GALNT9: variants seen among roughly 807,000 people sequenced by gnomAD.
GALNT9 encodes GalNAc transferase 9.
In GALNT9, 47 loss-of-function variants were observed where a neutral mutation model predicts 63.1. The observed-to-expected ratio is 0.75, with a 90% CI of 0.59 to 0.95. The LOEUF is 0.95. GALNT9 is among the 40% of genes least tolerant of loss of function. The pLI is 0.00. For missense variants in GALNT9, 829 were observed against 874.8 expected, an observed-to-expected ratio of 0.95 and a Z score of 0.66; for synonymous variants, 396 against 365.7, an observed-to-expected ratio of 1.08 and a Z score of -0.94.
At position 132,238,486 on chromosome 12, in the gene GALNT9, T is replaced by C. The variant is rs1248010389; in HGVS notation, c.1077+9424A>G. Reference sequence around the variant, plus strand: ...CAAGGTCTCCTGGACATTGTGCCACTGCTGGTGCCAGAGAGACCACGGTTT... The same window carrying C: ...CAAGGTCTCCTGGACATTGTGCCACCGCTGGTGCCAGAGAGACCACGGTTT... On this transcript the variant is annotated intron_variant, in intron 6 of 10. Transcript: ENST00000328957. This position sits in a 1 kb window ranked among gnomAD's most constrained non-coding sequence, Gnocchi z 6.5. 6.6e-6 allele frequency among the ~76,000 whole-genome samples: 1 copy of C among 152,160 alleles called. No homozygotes were observed. Among genetic ancestry groups the C allele is most frequent in the Admixed American group, 6.5e-5 (1 of 15,284 alleles).
intron 1 of GALNT9, among the ~76,000 whole-genome samples, chr12:132,314,646 G>A (rs998249463): frequency 9.2e-5 from 14 of 152,246 alleles, no homozygotes; most frequent in African/African-American, 2.9e-4. Flanking sequence ...TTAGAGAGCA[G>A]AGAGTGCAGG....
At position 132,257,805 on chromosome 12, in the gene GALNT9, C is replaced by T. The variant is rs577106610; in HGVS notation, c.843G>A (p.Thr281=). The stretch of plus-strand genomic sequence containing the variant: ...CGTTCGCATACTGCTGCACCTCAAA[C>T]GTGCTGTACTTGATGTTGTCGATGG... ...LPAIDNIKYS[T]FEVQQYANAA... The change falls in exon 5 of 11, where the codon ACG becomes ACA. Residue 281 remains threonine (T), a synonymous_variant. Transcript: ENST00000328957. The T allele has an allele frequency of 8.6e-5, 133 of 1,550,418 alleles. No individual in the cohort carries two copies. The African/African-American group carries it at 9.6e-4, about 11-fold the overall frequency.
In GALNT9 at chr12:132,252,491, CGT is replaced by C. The variant is rs1555238673; in HGVS notation, c.960-4466_960-4465del. Among the ~76,000 whole-genome samples the C allele has an allele frequency of 6.6e-6, 1 of 152,160 alleles. No homozygotes were observed. Among genetic ancestry groups the C allele is most frequent in the Non-Finnish European group, 1.5e-5 (1 of 68,034 alleles). The stretch of plus-strand genomic sequence containing the variant: ...TACAGGGCTTAGCGGGTGTTCTCCC[CGT>C]GTGCAGAGACAAGAGATTGTCAGAA... On this transcript the variant is annotated intron_variant, in intron 5 of 10. Coordinates refer to ENST00000328957, the MANE Select transcript of GALNT9 (RefSeq NM_001122636.2). This position sits in a 1 kb window ranked among gnomAD's most constrained non-coding sequence, Gnocchi z 5.2.
chr12:132,262,787 A>T (rs1195006864), intron 2 of GALNT9, among the ~76,000 whole-genome samples, 162 bp from the exon 3 acceptor site: 1 of 151,812 alleles, frequency 6.6e-6, no homozygotes, highest in East Asian at 1.9e-4. Context: ...CACCTGCAGG[A>T]GACACGGTTT....
intron 7 of GALNT9, 43 bp downstream of exon 7, chr12:132,203,462 A>C (rs1876353007): frequency 1.2e-6 from 2 of 1,603,174 alleles, no homozygotes; most frequent in Non-Finnish European, 1.7e-6. Flanking sequence ...ATTGACCCCG[A>C]CCCTGGGGCA....
At chr12:132,249,312 G>A (rs981050195) in intron 5 of GALNT9, among the ~76,000 whole-genome samples, 4 of 152,260 alleles carry the variant, frequency 2.6e-5, no homozygotes, top group South Asian at 2.1e-4. Context: ...CCTCCTCTGC[G>A]TATCAACGCG....
chr12:132,201,150 A>G lies in GALNT9; in HGVS notation c.1375T>C (p.Tyr459His), dbSNP rs201873771. The G allele has an allele frequency of 4.7e-5, 76 of 1,613,478 alleles. No individual in the cohort carries two copies. The East Asian group carries it at 1.7e-3, about 35-fold the overall frequency. The stretch of plus-strand genomic sequence containing the variant: ...TCTCCGTACGTGAGGGTGTTGTTGT[A>G]GACCCTCATCTCCGGGTACACGTTC... ...LENVYPEMRVYNNTLTYGEVR... is the reference protein window; with the variant it reads ...LENVYPEMRVHNNTLTYGEVR... Residue 459 changes from tyrosine to histidine, a missense_variant, in exon 8 of 11, where the codon TAC (tyrosine) becomes CAC (histidine). Physicochemically the swap from Tyr to His is moderately conservative, Grantham distance 83. Transcript: ENST00000328957.
In GALNT9 at chr12:132,324,351, C is replaced by T. The variant is rs569855602; in HGVS notation, c.238+4615G>A. On this transcript the variant is annotated intron_variant, in intron 1 of 10. Transcript: ENST00000328957. The stretch of plus-strand genomic sequence containing the variant: ...CTCCAGCCGCGCCTTCCGCACGACC[C>T]CGCGCGCTCCGACGGCGCTGTCTGT... Among the ~76,000 whole-genome samples the T allele has an allele frequency of 2.0e-5, 3 of 152,340 alleles. No individual in the cohort carries two copies. In the South Asian group the frequency reaches 6.2e-4, roughly 32 times the overall value.
At chr12:132,240,007 G>C (rs1878181537) in intron 6 of GALNT9, among the ~76,000 whole-genome samples, 1 of 152,084 alleles carries the variant, frequency 6.6e-6, no homozygotes, top group East Asian at 1.9e-4. Context: ...GAGGTGAAGA[G>C]TGGCTCCCCA....
intron 1 of GALNT9, among the ~76,000 whole-genome samples, chr12:132,324,987 C>T (rs1394798161): frequency 3.9e-5 from 6 of 152,262 alleles, no homozygotes; most frequent in African/African-American, 1.2e-4. Flanking sequence ...GCAGGGGCTG[C>T]GTCCCGGTGG....
intron 6 of GALNT9, among the ~76,000 whole-genome samples, chr12:132,204,008 C>T (rs1396151035): frequency 6.6e-6 from 1 of 152,130 alleles, no homozygotes; most frequent in East Asian, 1.9e-4. Flanking sequence ...GGTTCCCACC[C>T]CCAGTGCTTG....
At chr12:132,198,508 A>C (rs1875729645) in intron 9 of GALNT9, among the ~76,000 whole-genome samples, 2 of 150,892 alleles carry the variant, frequency 1.3e-5, no homozygotes, top group African/African-American at 4.9e-5. Context: ...GGTCAACAGC[A>C]CTATTGCCGT....
intron 1 of GALNT9, among the ~76,000 whole-genome samples, chr12:132,304,893 ACCCTCGCCCGGACACG>A (rs1375463106): frequency 3.5e-4 from 12 of 33,892 alleles, no homozygotes; most frequent in African/African-American, 5.8e-4. Flanking sequence ...ACCGGGGCAC[ACCCTCGCCCGGACACG>A]CCCTCACCGG....
chr12:132,284,514 T>C (rs563208343), intron 2 of GALNT9: 2 of 152,388 alleles, frequency 1.3e-5, no homozygotes, highest in African/African-American at 4.8e-5. Flanking sequence ...GGAATCTTCA[T>C]TTCACCGCTG....
At chr12:132,295,014 C>T (rs537570406) in intron 1 of GALNT9, among the ~76,000 whole-genome samples, 25 of 152,340 alleles carry the variant, frequency 1.6e-4, no homozygotes, top group Admixed American at 1.3e-4. Flanking sequence ...AGTGTGGAGA[C>T]GCCCGGCCTG....
rs1555242220 is a variant in GALNT9, at chr12:132,286,508, C to T, written c.239-78G>A. 1.8e-5 allele frequency: 26 copies of T among 1,452,552 alleles called. No homozygotes were observed. Among genetic ancestry groups the T allele is most frequent in the Non-Finnish European group, 1.6e-5 (18 of 1,104,964 alleles). The allele number at this position is 1,452,552 out of a possible 1,614,324, so 90.0% of individuals were successfully genotyped here. On this transcript the variant is annotated intron_variant, in intron 1 of 10. Transcript: ENST00000328957. The surrounding 1 kb of genome is among the most constrained non-coding windows in gnomAD (Gnocchi z 7.4). The stretch of plus-strand genomic sequence containing the variant: ...GCACCCAGGAGACGCCCCTCCCGCC[C>T]CTCTCCCCGACGGCCGCTTCCCCCG...
Position 132,203,759 on chromosome 12 carries a change from C to A in GALNT9, c.1078-69G>T, listed in dbSNP as rs878863862. ...AGCGGGCAGCCCGGCCAGCTAGGGG[C>A]CCGTGAGAGGCCAAGGGGCCCGGCC... On this transcript the variant is annotated intron_variant, in intron 6 of 10. Coordinates refer to ENST00000328957, the MANE Select transcript of GALNT9 (RefSeq NM_001122636.2). 3.3e-6 allele frequency: 5 copies of A among 1,526,274 alleles called. No individual in the cohort carries two copies. The East Asian group carries it at 7.9e-5, about 24-fold the overall frequency. The allele number at this position is 1,526,274 out of a possible 1,614,324, so 94.5% of individuals were successfully genotyped here.
chr12:132,197,306 T>G, intron 10 of GALNT9, 53 bp from the exon 11 acceptor site: 1 of 1,587,654 alleles, frequency 6.3e-7, no homozygotes, highest in Non-Finnish European at 8.5e-7. Context: ...TTGTTCCCCC[T>G]CCCCCCACCT....
Position 132,265,371 on chromosome 12 carries a change from G to A in GALNT9, c.420-2746C>T, listed in dbSNP as rs926580365. On this transcript the variant is annotated intron_variant, in intron 2 of 10. Transcript: ENST00000328957. This position sits in a 1 kb window ranked among gnomAD's most constrained non-coding sequence, Gnocchi z 5.3. The stretch of plus-strand genomic sequence containing the variant: ...TCCCGCGACCCAAGACACAGTGTCA[G>A]CAGGACATGGGCCTCTGTCTCCGAT... 9.2e-5 allele frequency among the ~76,000 whole-genome samples: 14 copies of A among 152,084 alleles called. No individual in the cohort carries two copies. Among genetic ancestry groups the A allele is most frequent in the African/African-American group, 2.7e-4 (11 of 41,338 alleles).
Sources: gnomAD v4.1 joint callset for allele counts (sites outside exome capture counted in the v4.1 genomes callset) on GRCh38, gnomAD v4.1.1 for gene constraint, Gnocchi (gnomAD v3.1) non-coding constraint, MANE v1.5 for transcripts, NCBI Gene and HGNC (gene_info 2026-07-23, HGNC 2026-07-21) for gene names.